Variants in PARVB observed in about 807,000 individuals in gnomAD.
The protein encoded by PARVB is parvin beta.
In PARVB, 46 loss-of-function variants were observed where a neutral mutation model predicts 47.0. The observed-to-expected ratio is 0.98, with a 90% CI of 0.77 to 1.25. The LOEUF (loss-of-function observed/expected upper bound fraction) is 1.25, where lower values mean the gene tolerates loss of function less well. Ranked by LOEUF, PARVB falls within the 50% of genes most tolerant of loss-of-function variation. The pLI is 0.00. For synonymous variants in PARVB, 196 were observed against 196.3 expected, an observed-to-expected ratio of 1.00 and a Z score of 0.01; for missense variants, 473 against 471.6, an observed-to-expected ratio of 1.00 and a Z score of -0.03.
chr22:44,035,592 C>T (rs915111199), intron 1 of PARVB, among the ~76,000 whole-genome samples: 2 of 151,756 alleles, frequency 1.3e-5, no homozygotes, highest in Non-Finnish European at 2.9e-5. Flanking sequence ...AGGATGGTCT[C>T]GATCTCCTGA....
chr22:44,086,767 A>G (rs1162309301), intron 1 of PARVB: 1 of 985,428 alleles, frequency 1.0e-6, no homozygotes, highest in East Asian at 1.1e-4. Flanking sequence ...GTGCCTGATG[A>G]AGTTAGTTAT....
At chr22:43,999,265 A>G in exon 1 of PARVB, 3 of 1,192,382 alleles carry the variant, frequency 2.5e-6, no homozygotes, top group Non-Finnish European at 3.6e-6. Context: ...TTAAACTAAG[A>G]ACTCATTTTA....
At position 44,073,671 on chromosome 22, in the gene PARVB, A is replaced by C. The variant is rs145336468; in HGVS notation, c.113-20257A>C. On this transcript the variant is annotated intron_variant, in intron 1 of 12. Coordinates refer to ENST00000338758, the MANE Select transcript of PARVB (RefSeq NM_013327.5). ...GGTGGGGCCCGCTTGCCCCCCTTTGAATTTTGGGTTGTGCTTGAGCAGAAG... is the reference window on the plus strand; with the variant it reads ...GGTGGGGCCCGCTTGCCCCCCTTTGCATTTTGGGTTGTGCTTGAGCAGAAG... Among the ~76,000 whole-genome samples the C allele has an allele frequency of 2.2e-3, 339 of 152,182 alleles. 6 individuals are homozygous for C. The highest frequency in any genetic ancestry group is 7.6e-3 in the African/African-American group (315 of 41,504).
chr22:44,002,405 C>A (rs1307567609), intron 2 of PARVB, among the ~76,000 whole-genome samples: 1 of 152,218 alleles, frequency 6.6e-6, no homozygotes, highest in East Asian at 1.9e-4. Context: ...TATTCACCTC[C>A]CTGCCGCAGA....
upstream of PARVB, among the ~76,000 whole-genome samples, chr22:44,022,478 C>T (rs891049910): frequency 6.6e-6 from 1 of 152,172 alleles, no homozygotes; most frequent in African/African-American, 2.4e-5. Flanking sequence ...TCCTTGACCA[C>T]AAACTCCTGG....
At chr22:44,093,781 A>G in intron 1 of PARVB, 147 bp from the exon 2 acceptor site, 1 of 588,600 alleles carries the variant, frequency 1.7e-6, no homozygotes, top group East Asian at 3.0e-5. Flanking sequence ...TTTCCCTCTG[A>G]CTCTTTCTGG....
In PARVB at chr22:44,161,844, T is replaced by C. The variant is rs571500107; in HGVS notation, c.946-2014T>C. Reference sequence around the variant, plus strand: ...ACGGGCCGTCCTCACTCCTCCCCCATTGCCAGTGTTTGGCCATCCTCAGGC... The same window carrying C: ...ACGGGCCGTCCTCACTCCTCCCCCACTGCCAGTGTTTGGCCATCCTCAGGC... On this transcript the variant is annotated intron_variant, in intron 11 of 12. Transcript: ENST00000338758. 5.3e-5 allele frequency among the ~76,000 whole-genome samples: 8 copies of C among 152,310 alleles called. No individual in the cohort carries two copies. In the South Asian group the frequency reaches 1.4e-3, roughly 28 times the overall value.
intron 12 of PARVB, 26 bp downstream of exon 12, chr22:44,163,956 C>T (rs762405187): frequency 3.3e-5 from 53 of 1,585,568 alleles, no homozygotes; most frequent in East Asian, 1.4e-4. Flanking sequence ...CAGGTTCCCC[C>T]GGGAGAGGTG....
At chr22:44,117,896 T>C (rs1161312841) in intron 3 of PARVB, among the ~76,000 whole-genome samples, 1 of 152,244 alleles carries the variant, frequency 6.6e-6, no homozygotes, top group African/African-American at 2.4e-5. Context: ...CCATTTTATT[T>C]TGTGGAATAG....
intron 1 of PARVB, among the ~76,000 whole-genome samples, chr22:44,091,529 G>A (rs1466671835): frequency 1.3e-5 from 2 of 152,008 alleles, no homozygotes; most frequent in African/African-American, 2.4e-5. Flanking sequence ...TCTCCTCTAT[G>A]CATTCGCCTA....
In PARVB at chr22:44,168,873, A is replaced by G. The variant is rs906064474; in HGVS notation, c.*195A>G. 9.4e-6 allele frequency: 5 copies of G among 531,786 alleles called. No individual in the cohort carries two copies. The highest frequency in any genetic ancestry group is 7.6e-5 in the Admixed American group (2 of 26,152). 32.9% of individuals were successfully genotyped at this position (531,786 alleles called of 1,614,324 possible). A position where few individuals can be genotyped will look rare whatever the true frequency, so the allele number is the denominator to read the frequency against. ...GGTTGTTGTTCTTAATCTCCTCTCCATGTAGTTCCCAGTGGGCAAGAGCCT... is the reference window on the plus strand; with the variant it reads ...GGTTGTTGTTCTTAATCTCCTCTCCGTGTAGTTCCCAGTGGGCAAGAGCCT... On this transcript the variant is annotated 3_prime_UTR_variant, in exon 13 of 13. Coordinates refer to ENST00000338758, the MANE Select transcript of PARVB (RefSeq NM_013327.5).
chr22:44,128,455 G>A (rs997159381), intron 4 of PARVB, among the ~76,000 whole-genome samples: 3 of 152,236 alleles, frequency 2.0e-5, no homozygotes, highest in Non-Finnish European at 2.9e-5. Flanking sequence ...AGTGGGCACA[G>A]TGATGTCTGA....
At chr22:44,016,945 A>G (rs546606103) in intron 2 of PARVB, among the ~76,000 whole-genome samples, 2 of 152,162 alleles carry the variant, frequency 1.3e-5, no homozygotes, top group South Asian at 2.1e-4. Context: ...GCATGATCTT[A>G]GCTCACTGCA....
At chr22:44,016,265 T>G (rs926752703) in intron 2 of PARVB, among the ~76,000 whole-genome samples, 14 of 151,812 alleles carry the variant, frequency 9.2e-5, no homozygotes, top group African/African-American at 3.4e-4. Flanking sequence ...CCCAGCTAAT[T>G]TTTTGTATTT....
chr22:44,032,415 T>C (rs2050841775), intron 1 of PARVB, among the ~76,000 whole-genome samples: 1 of 152,056 alleles, frequency 6.6e-6, no homozygotes, highest in South Asian at 2.1e-4. Context: ...GTGTTAAAGT[T>C]TGGGGGCCCA....
chr22:44,022,746 TA>T (rs1569055822), upstream of PARVB, among the ~76,000 whole-genome samples: 3 of 132,712 alleles, frequency 2.3e-5, no homozygotes, highest in East Asian at 2.0e-4. Context: ...TTTTATTTTT[TA>T]TTTTTTTTTT....
At chr22:44,006,221 G>C (rs1205095422) in intron 2 of PARVB, among the ~76,000 whole-genome samples, 1 of 152,192 alleles carries the variant, frequency 6.6e-6, no homozygotes, top group African/African-American at 2.4e-5. Flanking sequence ...AACCCTCTGG[G>C]ATTACAGGCA....
chr22:44,027,194 T>C (rs1229473702), intron 1 of PARVB, among the ~76,000 whole-genome samples: 1 of 152,014 alleles, frequency 6.6e-6, no homozygotes, highest in Non-Finnish European at 1.5e-5. Context: ...GGACAGCGTG[T>C]TTCAAACTTG....
chr22:44,148,175 C>T (rs1417192467), intron 9 of PARVB: 7 of 530,944 alleles, frequency 1.3e-5, no homozygotes, highest in Non-Finnish European at 2.4e-5. Context: ...TACCCAGCCC[C>T]CATTTCTTTC....
Sources: allele counts gnomAD v4.1 joint callset (sites outside exome capture counted in the v4.1 genomes callset), GRCh38; gene constraint gnomAD v4.1.1; transcripts MANE v1.5; gene names NCBI Gene and HGNC (gene_info 2026-07-23, HGNC 2026-07-21).